ZNF431: variants seen among roughly 807,000 people sequenced by gnomAD.
ZNF431 encodes zinc finger protein 431.
In ZNF431, 34 loss-of-function variants were observed where a neutral mutation model predicts 57.0. That is an observed-to-expected ratio of 0.60 (90% CI 0.45 to 0.79). ZNF431 has a LOEUF of 0.79. Among genes scored for constraint, ZNF431 ranks in the 30% least tolerant of loss-of-function variants. ZNF431 has a pLI of 0.00. For synonymous variants in ZNF431, 207 were observed against 220.3 expected, an observed-to-expected ratio of 0.94 and a Z score of 0.54; for missense variants, 607 against 667.1, an observed-to-expected ratio of 0.91 and a Z score of 0.99.
chr19:21,166,103 G>C (rs1487004841), intron 2 of ZNF431, among the ~76,000 whole-genome samples: 1 of 152,140 alleles, frequency 6.6e-6, no homozygotes. Flanking sequence ...TTATCATCCA[G>C]AGAAGTATCA....
intron 4 of ZNF431, 95 bp downstream of exon 4, chr19:21,167,761 C>A: frequency 1.2e-6 from 1 of 841,770 alleles, no homozygotes; most frequent in African/African-American, 1.8e-5. Context: ...TTTTGGGAAG[C>A]TGTGTTATAA....
At chr19:21,162,239 T>C (rs1414649775) in intron 2 of ZNF431, among the ~76,000 whole-genome samples, 1 of 151,900 alleles carries the variant, frequency 6.6e-6, no homozygotes, top group Non-Finnish European at 1.5e-5. Flanking sequence ...AGTGGCATGA[T>C]CTTGGCACAC....
chr19:21,177,826 T>A (rs1056041144), intron 4 of ZNF431, among the ~76,000 whole-genome samples: 7 of 152,048 alleles, frequency 4.6e-5, no homozygotes, highest in Non-Finnish European at 1.0e-4. Context: ...ATGGGGTCTT[T>A]TGGGTTTTCA....
chr19:21,142,175 A>C lies in ZNF431; in HGVS notation c.-9A>C. On this transcript the variant is annotated 5_prime_UTR_variant, in exon 1 of 5. Transcript: ENST00000311048. The stretch of plus-strand genomic sequence containing the variant: ...AGCTAAGACACCGGGACCCCCTGAA[A>C]GCCTAGAAATGGTGAGAGTGCCGGG... 1 of 1,613,068 alleles carries C rather than the reference A, an allele frequency of 6.2e-7. No homozygotes were observed. Among genetic ancestry groups the C allele is most frequent in the South Asian group, 1.1e-5 (1 of 91,024 alleles).
At chr19:21,167,718 A>C (rs1191951876) in intron 4 of ZNF431, 52 bp downstream of exon 4, 2 of 374,694 alleles carry the variant, frequency 5.3e-6, no homozygotes, top group Admixed American at 5.7e-5. Flanking sequence ...TCCAAAGCTT[A>C]AAAAAAAAAA....
chr19:21,178,932 G>A (rs1043244185), intron 4 of ZNF431, among the ~76,000 whole-genome samples: 17 of 151,894 alleles, frequency 1.1e-4, no homozygotes, highest in African/African-American at 2.9e-4. Flanking sequence ...ATTTGGAATC[G>A]TTTCAGAAGA....
In ZNF431 at chr19:21,194,265, A is replaced by G. The variant is rs942598595; in HGVS notation, c.*10231A>G. The G allele has an allele frequency of 2.6e-5, 4 of 152,200 alleles. No individual in the cohort carries two copies. Among genetic ancestry groups the G allele is most frequent in the Admixed American group, 6.5e-5 (1 of 15,268 alleles). The allele number at this position is 152,200 out of a possible 1,614,324, so 9.4% of individuals were successfully genotyped here. On this transcript the variant is annotated 3_prime_UTR_variant, in exon 5 of 5. Coordinates refer to ENST00000311048, the MANE Select transcript of ZNF431 (RefSeq NM_133473.4). ...AACAGTTTTCTTTACAATAGCCATA[A>G]ACAAAAAATAATATACTTAGAAATA... is the stretch of plus-strand genomic sequence containing the variant.
intron 2 of ZNF431, among the ~76,000 whole-genome samples, chr19:21,159,405 ACT>A (rs1442444475): frequency 6.6e-6 from 1 of 151,764 alleles, no homozygotes; most frequent in African/African-American, 2.4e-5. Flanking sequence ...GCGGAGTCTC[ACT>A]CTGTTGCCAG....
At chr19:21,157,084 T>C (rs1456227137) in intron 2 of ZNF431, among the ~76,000 whole-genome samples, 6 of 151,184 alleles carry the variant, frequency 4.0e-5, no homozygotes, top group Non-Finnish European at 8.8e-5. Context: ...AACCATACCA[T>C]ATTATTTTAA....
intron 3 of ZNF431, among the ~76,000 whole-genome samples, chr19:21,166,832 CT>C (rs1428326659): frequency 3.9e-5 from 6 of 152,124 alleles, no homozygotes; most frequent in Non-Finnish European, 8.8e-5. Flanking sequence ...AGATGTCTCT[CT>C]TTAATCAGTA....
rs138313954 is a variant in ZNF431, at chr19:21,166,460, G to T, written c.222G>T (p.Leu74Phe). 3 of 1,602,548 alleles carry T rather than the reference G, an allele frequency of 1.9e-6. No homozygotes were observed. Among genetic ancestry groups the T allele is most frequent in the Non-Finnish European group, 2.5e-6 (3 of 1,176,918 alleles). The change falls in exon 3 of 5, where the codon TTG becomes TTT. Residue 74 changes from leucine to phenylalanine, a missense_variant and splice_region_variant. Physicochemically the swap from Leu to Phe is conservative, Grantham distance 22 (BLOSUM62 0). Transcript: ENST00000311048. ...AAAACTACAAAAACCTGGTCTTCTT[G>T]GGTGAGAATAACTTTCATACACAAT... Reference protein sequence around the residue: ...MLENYKNLVFLGVAVSKQDPV... With the variant: ...MLENYKNLVFFGVAVSKQDPV...
At chr19:21,156,881 C>T (rs1486184302) in intron 2 of ZNF431, among the ~76,000 whole-genome samples, 1 of 151,970 alleles carries the variant, frequency 6.6e-6, no homozygotes, top group East Asian at 1.9e-4. Flanking sequence ...CTCAAGGCAC[C>T]CTCTTACTTC....
intron 2 of ZNF431, among the ~76,000 whole-genome samples, chr19:21,162,945 C>T (rs1247938793): frequency 1.3e-5 from 2 of 152,192 alleles, no homozygotes; most frequent in African/African-American, 4.8e-5. Flanking sequence ...TAAATTCTCT[C>T]ATTCTGTATC....
intron 2 of ZNF431, among the ~76,000 whole-genome samples, chr19:21,145,996 C>G (rs1387412072): frequency 6.6e-6 from 1 of 151,970 alleles, no homozygotes; most frequent in Admixed American, 6.6e-5. Context: ...AGTTCTGGAG[C>G]CTGTGAAAAA....
intron 2 of ZNF431, among the ~76,000 whole-genome samples, chr19:21,155,502 G>A (rs1314513029): frequency 1.3e-5 from 2 of 152,134 alleles, no homozygotes; most frequent in African/African-American, 4.8e-5. Context: ...TTGGCAATGT[G>A]GGCTCCTTTT....
At chr19:21,151,093 C>T (rs1197163629) in intron 2 of ZNF431, 1 of 151,954 alleles carries the variant, frequency 6.6e-6, no homozygotes, top group Non-Finnish European at 1.5e-5. Context: ...GCTCTGTCGC[C>T]CAGGCTGGAA....
Position 21,189,783 on chromosome 19 carries a change from T to G in ZNF431, c.*5749T>G, listed in dbSNP as rs1388873296. On this transcript the variant is annotated 3_prime_UTR_variant, in exon 5 of 5. Coordinates refer to ENST00000311048, the MANE Select transcript of ZNF431 (RefSeq NM_133473.4). ...AAATTATGAGACACTAATCTTTCTG[T>G]GCCTTGCTTATCCCAACTAATACAA... 5 of 396,436 alleles carry G rather than the reference T, an allele frequency of 1.3e-5. No individual in the cohort carries two copies. The East Asian group carries it at 1.8e-4, about 14-fold the overall frequency. The allele number at this position is 396,436 out of a possible 1,614,324, so 24.6% of individuals were successfully genotyped here. A position where few individuals can be genotyped will look rare whatever the true frequency, so the allele number is the denominator to read the frequency against.
At position 21,182,644 on chromosome 19, in the gene ZNF431, A is replaced by G. The variant is rs753456070; in HGVS notation, c.341A>G (p.Lys114Arg). ...TCAGCTATGTGTTCTTATTTTACCA[A>G]AGACCTTTGGCCAGAGCAAGACATA... is the stretch of plus-strand genomic sequence containing the variant. ...EPPAMCSYFT[K>R]DLWPEQDIKD... Residue 114 changes from lysine to arginine, a missense_variant, in exon 5 of 5, where the codon AAA becomes AGA. Coordinates refer to ENST00000311048, the MANE Select transcript of ZNF431 (RefSeq NM_133473.4). 3.1e-6 allele frequency: 5 copies of G among 1,600,178 alleles called. No individual in the cohort carries two copies. The African/African-American group carries it at 4.1e-5, about 13-fold the overall frequency.
intron 2 of ZNF431, among the ~76,000 whole-genome samples, chr19:21,165,542 A>T (rs896338898): frequency 2.6e-5 from 4 of 152,186 alleles, no homozygotes; most frequent in African/African-American, 9.7e-5. Context: ...CATCATAGAA[A>T]TTTGTTCTAG....
Sources: allele counts gnomAD v4.1 joint callset (sites outside exome capture counted in the v4.1 genomes callset), GRCh38; gene constraint gnomAD v4.1.1; transcripts MANE v1.5; gene names NCBI Gene and HGNC (gene_info 2026-07-23, HGNC 2026-07-21).